BUD13: variants seen among roughly 807,000 people sequenced by gnomAD.
BUD13 encodes BUD13 spliceosome associated protein, also known as BUD13 homolog.
BUD13 carries 47 observed loss-of-function variants against 62.5 expected under a neutral mutation model. That is an observed-to-expected ratio of 0.75 (90% CI 0.60 to 0.96). BUD13 has a LOEUF of 0.96. BUD13 is among the 40% of genes least tolerant of loss of function. The pLI, the probability that BUD13 is intolerant of heterozygous loss-of-function variation, is 0.00. For synonymous variants in BUD13, 293 were observed against 280.1 expected (o/e 1.05, Z -0.46); for missense variants, 821 against 790.9 (o/e 1.04, Z -0.46).
At chr11:116,758,164 A>C in intron 7 of BUD13, 105 bp downstream of exon 7, 1 of 1,518,456 alleles carries the variant, frequency 6.6e-7, no homozygotes, top group Non-Finnish European at 8.9e-7. Context: ...CCCATTACTG[A>C]TAACAGCTCT....
chr11:116,760,670 A>G, intron 5 of BUD13, 65 bp downstream of exon 5: 1 of 1,499,504 alleles, frequency 6.7e-7, no homozygotes, highest in South Asian at 1.1e-5. Context: ...ATTCTCTGGG[A>G]CATATATAAA....
At chr11:116,757,299 A>C (rs1565312079) in intron 8 of BUD13, 72 bp from the exon 9 acceptor site, 2 of 1,423,046 alleles carry the variant, frequency 1.4e-6, no homozygotes. Flanking sequence ...GGCAATGTGG[A>C]ATTTTCCTTT....
chr11:116,767,747 G>T (rs188020706), intron 2 of BUD13, among the ~76,000 whole-genome samples: 1 of 151,870 alleles, frequency 6.6e-6, no homozygotes, highest in African/African-American at 2.4e-5. Flanking sequence ...GCCTAGGCAG[G>T]AGGATCACTT....
Position 116,760,922 on chromosome 11 carries a change from A to G in BUD13, c.1067T>C (p.Leu356Pro). 1 of 1,614,134 alleles carries G rather than the reference A, an allele frequency of 6.2e-7. No individual in the cohort carries two copies. The highest frequency in any genetic ancestry group is 8.5e-7 in the Non-Finnish European group (1 of 1,179,996). Residue 356 changes from leucine (L) to proline (P), a missense_variant, in exon 5 of 10, where the codon CTT (leucine) becomes CCT (proline). Transcript: ENST00000260210. ...ACTTTGTTTATGCCGTGGAGAAGAA[A>G]GGTCTGAATCAGTTGCTTTCTGGCA... ...GDCQKATDSD[L>P]SSPRHKQSPG... is the part of the protein sequence containing the mutation.
At chr11:116,759,021 A>AC (rs1940383814) in intron 6 of BUD13, 53 bp downstream of exon 6, 2 of 1,370,296 alleles carry the variant, frequency 1.5e-6, no homozygotes, top group Admixed American at 4.1e-5. Flanking sequence ...GCTAAATTAA[A>AC]AAAAAAAAAA....
rs184267523 is a variant in BUD13, at chr11:116,756,534, G to T, written c.1766+612C>A. ...CTCAAAAAAAAAAAGACTGTAAAAG[G>T]GTCCTGAGATTAAAAAGTTTAAGAA... On this transcript the variant is annotated intron_variant, in intron 9 of 9. Transcript: ENST00000260210. Among the ~76,000 whole-genome samples, 271 of 152,080 alleles carry T rather than the reference G, an allele frequency of 1.8e-3. 2 individuals are homozygous for T. Among genetic ancestry groups the T allele is most frequent in the African/African-American group, 6.2e-3 (256 of 41,486 alleles).
chr11:116,756,250 G>A (rs1411200967), intron 9 of BUD13, among the ~76,000 whole-genome samples: 1 of 151,938 alleles, frequency 6.6e-6, no homozygotes, highest in Non-Finnish European at 1.5e-5. Context: ...AATCCTGTAA[G>A]CCTGTAATAC....
In BUD13 at chr11:116,762,786, C is replaced by T. The variant is rs751731755; in HGVS notation, c.803G>A (p.Arg268His). The change falls in exon 4 of 10, where the codon CGT becomes CAT. Residue 268 changes from arginine (R) to histidine (H), a missense_variant. Arg to His is a conservative substitution (Grantham distance 29). Transcript: ENST00000260210. ...SSDTQQLRRA[R>H]HDSPDLAPNV... ...AGGAGCCAAATCAGGGGAGTCATGA[C>T]GGGCCCTTCTGAGTTGCTGTGTGTC... 29 of 1,614,050 alleles carry T rather than the reference C, an allele frequency of 1.8e-5. No homozygotes were observed. Among genetic ancestry groups the T allele is most frequent in the Admixed American group, 5.0e-5 (3 of 60,006 alleles).
At chr11:116,772,725 A>G in intron 1 of BUD13, 97 bp downstream of exon 1, 1 of 1,383,892 alleles carries the variant, frequency 7.2e-7, no homozygotes, top group Non-Finnish European at 9.4e-7. Context: ...AAGCCGAGAG[A>G]CCCGCCAAGA....
intron 1 of BUD13, among the ~76,000 whole-genome samples, chr11:116,770,983 C>G (rs1230275781): frequency 6.6e-6 from 1 of 151,808 alleles, no homozygotes; most frequent in African/African-American, 2.4e-5. Flanking sequence ...TTTGTAGAAA[C>G]AGGGTTTCAC....
At chr11:116,759,029 A>AC in intron 6 of BUD13, 45 bp downstream of exon 6, 4 of 1,431,704 alleles carry the variant, frequency 2.8e-6, no homozygotes, top group Non-Finnish European at 3.9e-6. Context: ...AAAAAAAAAA[A>AC]AACAGTATGA....
intron 9 of BUD13, 137 bp downstream of exon 9, chr11:116,757,009 T>C: frequency 1.4e-6 from 1 of 736,172 alleles, no homozygotes; most frequent in Non-Finnish European, 2.3e-6. Context: ...TTTGTGGACC[T>C]CAGAAAAAGA....
chr11:116,757,461 AT>A (rs35269431), intron 8 of BUD13, among the ~76,000 whole-genome samples: 21,779 of 138,768 alleles, frequency 0.16, 1,744 homozygotes, highest in East Asian at 0.34. Context: ...ATGACCGGCT[AT>A]TTTTTTTTTT....
chr11:116,758,984 A>T (rs1940382729), intron 6 of BUD13, 90 bp downstream of exon 6: 12 of 925,722 alleles, frequency 1.3e-5, no homozygotes, highest in Middle Eastern at 2.2e-4. Flanking sequence ...GATAGCAATT[A>T]AAAGTTCAAA....
intron 6 of BUD13, 131 bp downstream of exon 6, chr11:116,758,943 A>G (rs1940381885): frequency 1.5e-6 from 1 of 683,620 alleles, no homozygotes; most frequent in Admixed American, 2.8e-5. Context: ...CTGAGAAATT[A>G]CAACAATGCA....
chr11:116,760,628 C>A, intron 5 of BUD13, 107 bp downstream of exon 5: 1 of 1,270,072 alleles, frequency 7.9e-7, no homozygotes, highest in Non-Finnish European at 1.1e-6. Context: ...ATTTACTACA[C>A]TTCTCAGAGC....
At chr11:116,755,719 G>A (rs1940309808) in intron 9 of BUD13, among the ~76,000 whole-genome samples, 1 of 152,054 alleles carries the variant, frequency 6.6e-6, no homozygotes, top group African/African-American at 2.4e-5. Flanking sequence ...GTAAATCAAT[G>A]CCATCCTTCT....
intron 9 of BUD13, among the ~76,000 whole-genome samples, chr11:116,755,427 T>A (rs1940305646): frequency 6.6e-6 from 1 of 152,164 alleles, no homozygotes; most frequent in East Asian, 1.9e-4. Flanking sequence ...TGTTATAAAA[T>A]CATGCATGGG....
intron 1 of BUD13, among the ~76,000 whole-genome samples, chr11:116,771,783 T>C (rs1326233863): frequency 6.6e-6 from 1 of 152,206 alleles, no homozygotes; most frequent in Non-Finnish European, 1.5e-5. Context: ...TTTAGAACAA[T>C]GTGACTTCAC....
Sources: gnomAD v4.1 joint callset for allele counts (sites outside exome capture counted in the v4.1 genomes callset) on GRCh38, gnomAD v4.1.1 for gene constraint, MANE v1.5 for transcripts, NCBI Gene and HGNC (gene_info 2026-07-23, HGNC 2026-07-21) for gene names.